Variants in BDNF observed in about 807,000 individuals in gnomAD.
BDNF encodes neurotrophic factor BDNF precursor form.
Under a neutral mutation model 19.5 loss-of-function variants are expected in BDNF, and 1 was observed. The ratio of observed to expected loss-of-function variants is 0.05; its 90% CI spans 0.02 to 0.24. The LOEUF (loss-of-function observed/expected upper bound fraction) is 0.24, where lower values mean the gene tolerates loss of function less well. BDNF is among the 10% of genes least tolerant of loss of function. The pLI, the probability that BDNF is intolerant of heterozygous loss-of-function variation, is 1.00. For synonymous variants in BDNF, 100 were observed against 121.6 expected (o/e 0.82, Z 1.17); for missense variants, 195 against 317.6 (o/e 0.61, Z 2.93).
At chr11:27,674,734 ACT>A in intron 1 of BDNF, 1 of 983,882 alleles carries the variant, frequency 1.0e-6, no homozygotes, top group Non-Finnish European at 1.2e-6. Context: ...TTCACTAAAC[ACT>A]GATTCCTATA....
At chr11:27,699,778 G>T in intron 1 of BDNF, 1 of 1,132,302 alleles carries the variant, frequency 8.8e-7, no homozygotes, top group Non-Finnish European at 1.1e-6. Flanking sequence ...CCTAGCCCCA[G>T]CACCCTCCCC....
intron 1 of BDNF, among the ~76,000 whole-genome samples, chr11:27,712,983 C>T (rs1860397522): frequency 7.1e-6 from 1 of 140,314 alleles, no homozygotes; most frequent in Non-Finnish European, 1.5e-5. Flanking sequence ...TCTCGGCTTA[C>T]TACAGCCTCT....
intron 1 of BDNF, chr11:27,719,460 A>G (rs566671358): frequency 7.1e-6 from 7 of 984,964 alleles, no homozygotes; most frequent in Non-Finnish European, 7.2e-6. Context: ...AGGACCTTCT[A>G]CTCCCAGGCG....
intron 1 of BDNF, chr11:27,659,128 A>G (rs1852979548): frequency 1.0e-6 from 1 of 1,004,140 alleles, no homozygotes; most frequent in Admixed American, 5.9e-5. Context: ...TTGGGGAACT[A>G]TAAGGAGCCT....
chr11:27,695,865 A>AGT (rs1858926150), intron 1 of BDNF, among the ~76,000 whole-genome samples: 1 of 152,004 alleles, frequency 6.6e-6, no homozygotes, highest in Non-Finnish European at 1.5e-5. Context: ...CAAGAGGATA[A>AGT]GTGCCCTAGA....
chr11:27,717,120 C>G lies in BDNF; in HGVS notation c.3+4292G>C, dbSNP rs567611839. Among the ~76,000 whole-genome samples, 6 of 152,176 alleles carry G rather than the reference C, an allele frequency of 3.9e-5. 1 individual carries two copies. In the South Asian group the frequency reaches 1.3e-3, roughly 32 times the overall value. On this transcript the variant is annotated intron_variant, in intron 1 of 1. Transcript: ENST00000314915. The stretch of plus-strand genomic sequence containing the variant: ...TTCTCTTCTTATTAAGAATTTAGAT[C>G]AGAAATCTGATAGGGAAAGAGTCTG...
chr11:27,701,198 A>G (rs1332823866), upstream of BDNF: 3 of 1,182,358 alleles, frequency 2.5e-6, no homozygotes, highest in Non-Finnish European at 3.3e-6. Flanking sequence ...TACTTGTTCC[A>G]GCCAGGAAGC....
chr11:27,655,378 T>A lies in BDNF; in HGVS notation c.*2443A>T, dbSNP rs1359832488. On this transcript the variant is annotated 3_prime_UTR_variant, in exon 2 of 2. Transcript: ENST00000356660. ...AGCCACTGACCACACAATTGCTGGA[T>A]GTGTCTCCTATGAAACCACTTAACA... 1 of 152,576 alleles carries A rather than the reference T, an allele frequency of 6.6e-6. No individual in the cohort carries two copies. Among genetic ancestry groups the A allele is most frequent in the African/African-American group, 2.4e-5 (1 of 41,476 alleles). 9.5% of individuals were successfully genotyped at this position (152,576 alleles called of 1,614,324 possible).
intron 1 of BDNF, among the ~76,000 whole-genome samples, chr11:27,666,213 G>C (rs572962369): frequency 5.3e-5 from 8 of 152,312 alleles, no homozygotes; most frequent in Admixed American, 1.3e-4. Flanking sequence ...GGTCCTGACT[G>C]TTAGAAGGAA....
intron 1 of BDNF, among the ~76,000 whole-genome samples, chr11:27,662,150 A>T (rs1485967111): frequency 6.6e-6 from 1 of 152,080 alleles, no homozygotes; most frequent in Non-Finnish European, 1.5e-5. Context: ...ACAGGCGCCC[A>T]CCACCATGCC....
chr11:27,672,261 T>C (rs1287186213), intron 1 of BDNF, among the ~76,000 whole-genome samples: 2 of 152,202 alleles, frequency 1.3e-5, no homozygotes, highest in Admixed American at 1.3e-4. Context: ...CATTAATTCT[T>C]ACCAAAATGC....
At chr11:27,672,698 C>T (rs1411351160) in intron 1 of BDNF, among the ~76,000 whole-genome samples, 3 of 152,064 alleles carry the variant, frequency 2.0e-5, no homozygotes, top group Non-Finnish European at 2.9e-5. Context: ...GATAAAGTTC[C>T]CAGGAGGTAA....
At chr11:27,697,237 C>G (rs1859196715) in intron 1 of BDNF, among the ~76,000 whole-genome samples, 1 of 150,480 alleles carries the variant, frequency 6.6e-6, no homozygotes, top group Admixed American at 6.6e-5. Flanking sequence ...AGAATGTAAA[C>G]AAGTTCTCTG....
chr11:27,658,721 C>T lies in BDNF; in HGVS notation c.-21-136G>A. On this transcript the variant is annotated intron_variant, in intron 1 of 1. Transcript: ENST00000356660. The surrounding 1 kb of genome is among the most constrained non-coding windows in gnomAD (Gnocchi z 5.7). Reference sequence around the variant, plus strand: ...TTTTTTATGTCTTGGTGATAAACTCCAGCTGCACCAGACACAAATCAGTGT... The same window carrying T: ...TTTTTTATGTCTTGGTGATAAACTCTAGCTGCACCAGACACAAATCAGTGT... 1.9e-6 allele frequency: 3 copies of T among 1,552,784 alleles called. No individual in the cohort carries two copies. The highest frequency in any genetic ancestry group is 2.6e-6 in the Non-Finnish European group (3 of 1,149,840).
In BDNF at chr11:27,658,848, C is replaced by T; in HGVS notation, c.-21-263G>A. The T allele has an allele frequency of 7.5e-7, 1 of 1,332,346 alleles. No individual in the cohort carries two copies. The highest frequency in any genetic ancestry group is 3.0e-4 in the Middle Eastern group (1 of 3,380). 82.5% of individuals were successfully genotyped at this position (1,332,346 alleles called of 1,614,324 possible). ...AGATTAGATGGCTTCTAAGCAAGTG[C>T]AAAAATTGTGGCTTCAAGTTCTCCT... On this transcript the variant is annotated intron_variant, in intron 1 of 1. Transcript: ENST00000356660. The surrounding 1 kb of genome is among the most constrained non-coding windows in gnomAD (Gnocchi z 5.7).
At chr11:27,704,961 G>C (rs895041443), upstream of BDNF, among the ~76,000 whole-genome samples, 1 of 152,164 alleles carries the variant, frequency 6.6e-6, no homozygotes, top group African/African-American at 2.4e-5. Context: ...ACCACAGCAA[G>C]AAACTTTTAG....
Position 27,720,232 on chromosome 11 carries a change from C to G in BDNF, c.3+1180G>C, listed in dbSNP as rs1055152635. 7 of 742,766 alleles carry G rather than the reference C, an allele frequency of 9.4e-6. No homozygotes were observed. In the African/African-American group the frequency reaches 1.3e-4, roughly 14 times the overall value. 46.0% of individuals were successfully genotyped at this position (742,766 alleles called of 1,614,324 possible). ...AACTGGGCAAATACCAAGAAACAAC[C>G]CCCTCTCATGCTCTCCCTCTACCTC... On this transcript the variant is annotated intron_variant, in intron 1 of 1. Coordinates refer to the BDNF transcript ENST00000314915.
At chr11:27,700,590 C>T (rs567573433), upstream of BDNF, 269 of 968,956 alleles carry the variant, frequency 2.8e-4, 1 homozygote, top group African/African-American at 4.7e-3. Flanking sequence ...TCGAGGCGGC[C>T]GCTTAAAGGG....
At chr11:27,703,677 C>T (rs1859999990), upstream of BDNF, among the ~76,000 whole-genome samples, 1 of 152,114 alleles carries the variant, frequency 6.6e-6, no homozygotes, top group South Asian at 2.1e-4. Context: ...CTTCGCTTTC[C>T]AGTGTGTGGT....
Sources: allele counts gnomAD v4.1 joint callset (sites outside exome capture counted in the v4.1 genomes callset), GRCh38; gene constraint gnomAD v4.1.1; non-coding constraint Gnocchi (gnomAD v3.1); transcripts MANE v1.5; gene names NCBI Gene and HGNC (gene_info 2026-07-23, HGNC 2026-07-21).